The following GPD2 variants were observed in gnomAD, a reference collection of about 807,000 sequenced individuals.
The protein encoded by GPD2 is glycerol-3-phosphate dehydrogenase, mitochondrial.
In GPD2, 54 loss-of-function variants were observed where a neutral mutation model predicts 82.4. The ratio of observed to expected loss-of-function variants is 0.66; its 90% CI spans 0.53 to 0.82. GPD2 has a LOEUF of 0.82. Ranked by LOEUF, GPD2 falls within the 40% of genes least tolerant of loss-of-function variation. The pLI is 0.00. For synonymous variants in GPD2, 288 were observed against 306.1 expected, an observed-to-expected ratio of 0.94 and a Z score of 0.62; for missense variants, 748 against 896.2, an observed-to-expected ratio of 0.83 and a Z score of 2.11.
intron 1 of GPD2, among the ~76,000 whole-genome samples, chr2:156,458,770 T>A (rs1682874477): frequency 1.3e-5 from 2 of 152,204 alleles, no homozygotes; most frequent in African/African-American, 4.8e-5. Flanking sequence ...AATTCTTTTT[T>A]TTCAGGTCTC....
chr2:156,526,553 A>C (rs969492877), intron 6 of GPD2, among the ~76,000 whole-genome samples: 1 of 151,798 alleles, frequency 6.6e-6, no homozygotes, highest in Non-Finnish European at 1.5e-5. Flanking sequence ...GATATGCTTT[A>C]TATTAATGGT....
chr2:156,472,777 A>G (rs1683377355), intron 1 of GPD2, among the ~76,000 whole-genome samples: 1 of 152,202 alleles, frequency 6.6e-6, no homozygotes, highest in South Asian at 2.1e-4. Context: ...ACAACAAAAT[A>G]TGGTATAGCT....
At chr2:156,401,152 T>G in the GPD2 span, among the ~76,000 whole-genome samples, 16 of 152,180 alleles carry the variant, frequency 1.1e-4, no homozygotes, top group Non-Finnish European at 7.3e-5. Flanking sequence ...AAACTTGCAT[T>G]GGCCGGGAAT....
At chr2:156,502,111 T>C (rs537408182) in intron 3 of GPD2, among the ~76,000 whole-genome samples, 60 of 152,152 alleles carry the variant, frequency 3.9e-4, no homozygotes, top group African/African-American at 1.3e-3. Flanking sequence ...TGCATGTGTG[T>C]GTGTGTGTGT....
chr2:156,451,864 C>T, intron 1 of GPD2, among the ~76,000 whole-genome samples: 1 of 151,268 alleles, frequency 6.6e-6, no homozygotes, highest in East Asian at 2.0e-4. Flanking sequence ...GGAGGGTCTC[C>T]TCACTTCTCA....
the GPD2 span, among the ~76,000 whole-genome samples, chr2:156,414,904 G>T: frequency 6.6e-6 from 1 of 152,062 alleles, no homozygotes; most frequent in African/African-American, 2.4e-5. Flanking sequence ...GATATAAAAT[G>T]TCATATAATA....
the GPD2 span, among the ~76,000 whole-genome samples, chr2:156,404,777 C>A: frequency 6.7e-6 from 1 of 150,286 alleles, no homozygotes; most frequent in Non-Finnish European, 1.5e-5. Flanking sequence ...TCCCTTGAAC[C>A]CAGGAGGCAG....
In GPD2 at chr2:156,586,274, TAC is replaced by T. The variant is rs1688211927; in HGVS notation, c.*3358_*3359del. The T allele has an allele frequency of 3.9e-5, 6 of 152,512 alleles. No individual in the cohort carries two copies. In the South Asian group the frequency reaches 1.2e-3, roughly 32 times the overall value. The allele number at this position is 152,512 out of a possible 1,614,324, so 9.4% of individuals were successfully genotyped here. On this transcript the variant is annotated 3_prime_UTR_variant, in exon 17 of 17. Transcript: ENST00000438166. ...TTTGATGACACAAAAGTGAAATATC[TAC>T]AGAGATAGATGTAATTTTATAAGAC...
intron 2 of GPD2, among the ~76,000 whole-genome samples, chr2:156,478,656 T>A (rs1380214540): frequency 6.6e-6 from 1 of 152,074 alleles, no homozygotes; most frequent in Non-Finnish European, 1.5e-5. Flanking sequence ...GGGGGGGAAT[T>A]TTCCTGACTT....
Position 156,523,212 on chromosome 2 carries a change from G to A in GPD2, c.661+9716G>A, listed in dbSNP as rs185772314. ...CTGCCATATCATACTGAATAGTTTC[G>A]CTGGCCTAAAAATCCTCTGTGCTCT... On this transcript the variant is annotated intron_variant, in intron 6 of 16. Coordinates refer to ENST00000438166, the MANE Select transcript of GPD2 (RefSeq NM_000408.5). Among the ~76,000 whole-genome samples, 519 of 151,970 alleles carry A rather than the reference G, an allele frequency of 3.4e-3. 12 individuals carry two copies. The highest frequency in any genetic ancestry group is 3.5e-3 in the East Asian group (18 of 5,180).
Position 156,515,935 on chromosome 2 carries a change from T to C in GPD2, c.661+2439T>C, listed in dbSNP as rs575289180. Reference sequence around the variant, plus strand: ...AACTCTTGTTTTACATAATATGGTGTGATGATCAAATTGAATATCGACATG... The same window carrying C: ...AACTCTTGTTTTACATAATATGGTGCGATGATCAAATTGAATATCGACATG... On this transcript the variant is annotated intron_variant, in intron 6 of 16. Coordinates refer to ENST00000438166, the MANE Select transcript of GPD2 (RefSeq NM_000408.5). Among the ~76,000 whole-genome samples, 6 of 152,322 alleles carry C rather than the reference T, an allele frequency of 3.9e-5. No homozygotes were observed. The South Asian group carries it at 1.0e-3, about 26-fold the overall frequency.
At chr2:156,419,247 C>T in the GPD2 span, among the ~76,000 whole-genome samples, 3 of 151,792 alleles carry the variant, frequency 2.0e-5, no homozygotes, top group East Asian at 1.9e-4. Context: ...TTAGTAGAGA[C>T]GAGGGTTCTC....
At chr2:156,463,187 C>T (rs1288565750) in intron 1 of GPD2, among the ~76,000 whole-genome samples, 1 of 152,026 alleles carries the variant, frequency 6.6e-6, no homozygotes, top group Non-Finnish European at 1.5e-5. Flanking sequence ...GGCTGTAAGT[C>T]GTCAATAATT....
rs189486374 is a variant in GPD2, at chr2:156,507,876, C to T, written c.275-2920C>T. ...CCTGGATAAGCTAGGCCACATGAAG[C>T]GTTTGCCTTCTCTTTCTTAAGCTGG... is the stretch of plus-strand genomic sequence containing the variant. On this transcript the variant is annotated intron_variant, in intron 3 of 16. Coordinates refer to ENST00000438166, the MANE Select transcript of GPD2 (RefSeq NM_000408.5). Among the ~76,000 whole-genome samples the T allele has an allele frequency of 2.5e-3, 383 of 152,240 alleles. 4 individuals are homozygous for T. Among genetic ancestry groups the T allele is most frequent in the African/African-American group, 8.6e-3 (359 of 41,558 alleles).
intron 2 of GPD2, among the ~76,000 whole-genome samples, chr2:156,488,416 A>G (rs564519967): frequency 6.6e-6 from 1 of 152,282 alleles, no homozygotes; most frequent in South Asian, 2.1e-4. Context: ...ATCGACTCAT[A>G]TATTATGGGA....
intron 13 of GPD2, among the ~76,000 whole-genome samples, chr2:156,573,771 G>A (rs1687721718): frequency 6.6e-6 from 1 of 152,172 alleles, no homozygotes; most frequent in Non-Finnish European, 1.5e-5. Context: ...AATGAGAGCT[G>A]TGGACAGTCT....
intron 1 of GPD2, among the ~76,000 whole-genome samples, chr2:156,438,651 T>A (rs1682037214): frequency 6.6e-6 from 1 of 152,190 alleles, no homozygotes; most frequent in Non-Finnish European, 1.5e-5. Flanking sequence ...TTTCTGTTTG[T>A]CAACACCTGG....
At chr2:156,536,668 G>A (rs1331607683) in intron 6 of GPD2, among the ~76,000 whole-genome samples, 14 of 152,318 alleles carry the variant, frequency 9.2e-5, no homozygotes. Context: ...TAGAGGCAGA[G>A]AAGTAAACCA....
rs1313436165 is a variant in GPD2 at position 156,584,396 on chromosome 2, CT to C, written c.*1483del. 1.3e-5 allele frequency: 2 copies of C among 152,086 alleles called. No homozygotes were observed. Among genetic ancestry groups the C allele is most frequent in the African/African-American group, 4.8e-5 (2 of 41,368 alleles). The allele number at this position is 152,086 out of a possible 1,614,324, so 9.4% of individuals were successfully genotyped here. On this transcript the variant is annotated 3_prime_UTR_variant, in exon 17 of 17. Coordinates refer to ENST00000438166, the MANE Select transcript of GPD2 (RefSeq NM_000408.5). ...GTTTTTTAAACTGGCACATAAAACA[CT>C]TTTTGCTGTTATTTTTATTTATGTC...
Sources: allele counts gnomAD v4.1 joint callset (sites outside exome capture counted in the v4.1 genomes callset), GRCh38; gene constraint gnomAD v4.1.1; transcripts MANE v1.5; gene names NCBI Gene and HGNC (gene_info 2026-07-23, HGNC 2026-07-21).